VAT1L: variants seen among roughly 807,000 people sequenced by gnomAD.
VAT1L encodes the protein putative NADPH-dependent quinone oxidoreductase VAT1L.
In VAT1L, 34 loss-of-function variants were observed where a neutral mutation model predicts 44.1. The ratio of observed to expected loss-of-function variants is 0.77; its 90% CI spans 0.59 to 1.03. The LOEUF is 1.03. Ranked by LOEUF, VAT1L falls within the 50% of genes least tolerant of loss-of-function variation. The pLI, the probability that VAT1L is intolerant of heterozygous loss-of-function variation, is 0.00. For missense variants in VAT1L, 615 were observed against 538.8 expected, an observed-to-expected ratio of 1.14 and a Z score of -1.40; for synonymous variants, 253 against 202.2, an observed-to-expected ratio of 1.25 and a Z score of -2.13.
At chr16:77,933,950 A>G (rs762098169) in intron 7 of VAT1L, among the ~76,000 whole-genome samples, 3 of 152,116 alleles carry the variant, frequency 2.0e-5, no homozygotes, top group Non-Finnish European at 4.4e-5. Flanking sequence ...AACCCACTGG[A>G]GTGCTTTGGG....
chr16:77,809,763 G>T (rs1383761861), intron 1 of VAT1L, among the ~76,000 whole-genome samples: 2 of 152,196 alleles, frequency 1.3e-5, no homozygotes, highest in Non-Finnish European at 2.9e-5. Flanking sequence ...TGACTTCAAG[G>T]TGTCTTGGAA....
chr16:77,871,810 C>T (rs2017036202), intron 4 of VAT1L, among the ~76,000 whole-genome samples: 1 of 152,178 alleles, frequency 6.6e-6, no homozygotes, highest in Non-Finnish European at 1.5e-5. Context: ...GTGTGGCACA[C>T]TCTCTTTGGA....
intron 7 of VAT1L, among the ~76,000 whole-genome samples, chr16:77,937,935 T>C (rs1345390707): frequency 6.6e-6 from 1 of 152,238 alleles, no homozygotes; most frequent in Non-Finnish European, 1.5e-5. Flanking sequence ...TCTGAAAGAA[T>C]ATGCTAAGTC....
chr16:77,893,681 T>C (rs897069277), intron 7 of VAT1L, among the ~76,000 whole-genome samples: 6 of 152,210 alleles, frequency 3.9e-5, no homozygotes, highest in African/African-American at 7.2e-5. Context: ...TGATCTAAAC[T>C]TCCCAACATC....
chr16:77,843,703 AG>A (rs962341046), intron 3 of VAT1L, among the ~76,000 whole-genome samples: 3 of 152,230 alleles, frequency 2.0e-5, no homozygotes, highest in Non-Finnish European at 4.4e-5. Context: ...CCCCCTTCAC[AG>A]GGCCAAACAG....
intron 6 of VAT1L, chr16:77,882,181 T>C (rs1272297490): frequency 2.6e-5 from 4 of 152,216 alleles, no homozygotes; most frequent in Non-Finnish European, 5.9e-5. Context: ...TGAAAAGTCC[T>C]AGAAAAAAAA....
chr16:77,845,865 A>G (rs551738339), intron 3 of VAT1L, among the ~76,000 whole-genome samples: 1 of 152,226 alleles, frequency 6.6e-6, no homozygotes, highest in South Asian at 2.1e-4. Flanking sequence ...TATTAGATTC[A>G]TCTATCTGTG....
intron 7 of VAT1L, among the ~76,000 whole-genome samples, chr16:77,967,116 T>C (rs429629): frequency 0.23 from 35,068 of 151,956 alleles, 4,534 homozygotes; most frequent in South Asian, 0.32. Flanking sequence ...GTCTCTTTTG[T>C]GCAGACTTTG....
chr16:77,949,352 T>C (rs2018012164), intron 7 of VAT1L, among the ~76,000 whole-genome samples: 1 of 152,122 alleles, frequency 6.6e-6, no homozygotes, highest in Non-Finnish European at 1.5e-5. Flanking sequence ...TTCTTCTTCC[T>C]AGGATCATGA....
rs546585657 is a variant in VAT1L at position 77,832,412 on chromosome 16, T to C, written c.579+6951T>C. On this transcript the variant is annotated intron_variant, in intron 3 of 8. Transcript: ENST00000302536. ...TTAGCTTTCCCTACCATGAGGACAA[T>C]TTAGAGACAACCTAAAGACAGCTGT... is the stretch of plus-strand genomic sequence containing the variant. Among the ~76,000 whole-genome samples, 29 of 152,240 alleles carry C rather than the reference T, an allele frequency of 1.9e-4. No individual in the cohort carries two copies. In the South Asian group the frequency reaches 5.0e-3, roughly 26 times the overall value.
intron 3 of VAT1L, among the ~76,000 whole-genome samples, chr16:77,860,506 A>G (rs1426927297): frequency 1.3e-5 from 2 of 152,214 alleles, no homozygotes; most frequent in African/African-American, 4.8e-5. Context: ...AGTTGAATGA[A>G]TAAATGAATA....
intron 7 of VAT1L, among the ~76,000 whole-genome samples, chr16:77,946,369 C>T (rs1388121183): frequency 1.4e-5 from 2 of 142,820 alleles, no homozygotes; most frequent in Non-Finnish European, 3.0e-5. Context: ...CTGCAAGTTC[C>T]GCCTCCCAGG....
intron 7 of VAT1L, among the ~76,000 whole-genome samples, chr16:77,969,287 G>A (rs974913531): frequency 2.0e-5 from 3 of 152,110 alleles, no homozygotes; most frequent in African/African-American, 7.2e-5. Flanking sequence ...TGGGGATGCA[G>A]CCCAGCAAGT....
chr16:77,846,182 A>G (rs1170211935), intron 3 of VAT1L, among the ~76,000 whole-genome samples: 1 of 152,194 alleles, frequency 6.6e-6, no homozygotes, highest in African/African-American at 2.4e-5. Context: ...TGTAGAATTA[A>G]TAAGTGAGTA....
chr16:77,807,626 G>A (rs2016186364), intron 1 of VAT1L, among the ~76,000 whole-genome samples: 1 of 152,148 alleles, frequency 6.6e-6, no homozygotes, highest in Non-Finnish European at 1.5e-5. Context: ...CTCGGAGTCT[G>A]TTTCCCAGGG....
At chr16:77,940,403 G>T (rs902388561) in intron 7 of VAT1L, among the ~76,000 whole-genome samples, 1 of 148,656 alleles carries the variant, frequency 6.7e-6, no homozygotes, top group Non-Finnish European at 1.5e-5. Flanking sequence ...AATTGCAGCG[G>T]CACAGTCTTG....
At chr16:77,902,728 G>GGGGTT (rs1214127638) in intron 7 of VAT1L, among the ~76,000 whole-genome samples, 1 of 81,170 alleles carries the variant, frequency 1.2e-5, no homozygotes, top group Non-Finnish European at 2.4e-5. Flanking sequence ...GGCCGATGGG[G>GGGGTT]GGGTGGGGGG....
At chr16:77,925,335 C>T (rs1222181238) in intron 7 of VAT1L, among the ~76,000 whole-genome samples, 5 of 152,168 alleles carry the variant, frequency 3.3e-5, no homozygotes, top group African/African-American at 1.2e-4. Flanking sequence ...TTATCTGAAT[C>T]TGACAAATGT....
intron 4 of VAT1L, among the ~76,000 whole-genome samples, chr16:77,873,050 T>C (rs149259944): frequency 0.021 from 3,140 of 152,328 alleles, 77 homozygotes; most frequent in East Asian, 0.07. Context: ...TGTATGTGTA[T>C]TTATTTCAAG....
Sources: gnomAD v4.1 joint callset for allele counts (sites outside exome capture counted in the v4.1 genomes callset) on GRCh38, gnomAD v4.1.1 for gene constraint, MANE v1.5 for transcripts, NCBI Gene and HGNC (gene_info 2026-07-23, HGNC 2026-07-21) for gene names.